Variants in ABCC2 observed in about 807,000 individuals in gnomAD.
The protein encoded by ABCC2 is ATP binding cassette subfamily C member 2.
Under a neutral mutation model 173.4 loss-of-function variants are expected in ABCC2, and 157 were observed. The ratio of observed to expected loss-of-function variants is 0.91; its 90% CI spans 0.80 to 1.03. The LOEUF (loss-of-function observed/expected upper bound fraction) is 1.03. ABCC2 is among the 50% of genes least tolerant of loss of function. The pLI, the probability that ABCC2 is intolerant of heterozygous loss-of-function variation, is 0.00. For synonymous variants in ABCC2, 657 were observed against 693.5 expected, an observed-to-expected ratio of 0.95 and a Z score of 0.83; for missense variants, 1,822 against 1,852.3, an observed-to-expected ratio of 0.98 and a Z score of 0.30.
At chr10:99,837,137 CTTTT>C (rs34959207) in intron 25 of ABCC2, among the ~76,000 whole-genome samples, 1 of 104,690 alleles carries the variant, frequency 9.6e-6, no homozygotes, top group African/African-American at 3.9e-5. Context: ...TGAGAAAGTC[CTTTT>C]TTTTTTTTTT....
rs185246872 is a variant in ABCC2 at position 99,821,718 on chromosome 10, A to G, written c.2620+2449A>G. Among the ~76,000 whole-genome samples, 62 of 152,344 alleles carry G rather than the reference A, an allele frequency of 4.1e-4. No homozygotes were observed. In the East Asian group the frequency reaches 0.011, roughly 26 times the overall value. On this transcript the variant is annotated intron_variant, in intron 19 of 31. Coordinates refer to ENST00000647814, the MANE Select transcript of ABCC2 (RefSeq NM_000392.5). ...AAGGCAGAAGAATTTTTCTTAGTACATAACAAAATGGAGTCTCCCATGTCT... is the reference window on the plus strand; with the variant it reads ...AAGGCAGAAGAATTTTTCTTAGTACGTAACAAAATGGAGTCTCCCATGTCT...
At chr10:99,783,003 G>C (rs2037641359) in intron 1 of ABCC2, 126 bp downstream of exon 1, 1 of 894,316 alleles carries the variant, frequency 1.1e-6, no homozygotes, top group African/African-American at 1.6e-5. Flanking sequence ...TAAAGCTCAG[G>C]CTTTTTAGAA....
intron 2 of ABCC2, among the ~76,000 whole-genome samples, chr10:99,790,336 CT>C (rs1425074205): frequency 1.3e-5 from 2 of 151,838 alleles, no homozygotes. Flanking sequence ...GTTTAAAAGC[CT>C]TTTGTGTTTT....
chr10:99,831,904 T>G, intron 22 of ABCC2, 73 bp from the exon 23 acceptor site: 1 of 1,613,186 alleles, frequency 6.2e-7, no homozygotes, highest in Non-Finnish European at 8.5e-7. Flanking sequence ...GGAATGCATT[T>G]GCCATTATGT....
At position 99,800,557 on chromosome 10, in the gene ABCC2, T is replaced by C; in HGVS notation, c.1203T>C (p.Tyr401=). Residue 401 remains tyrosine, a synonymous_variant, in exon 9 of 32, where the codon TAT becomes TAC. Coordinates refer to ENST00000647814, the MANE Select transcript of ABCC2 (RefSeq NM_000392.5). The part of the protein sequence containing the change: ...KVRTAIMASV[Y]KKALTLSNLA... Reference sequence around the variant, plus strand: ...GGACAGCTATCATGGCTTCTGTATATAAGAAGGTAAGCAGAATACGGCAGG... The same window carrying C: ...GGACAGCTATCATGGCTTCTGTATACAAGAAGGTAAGCAGAATACGGCAGG... 6.2e-7 allele frequency: 1 copy of C among 1,614,058 alleles called. No individual in the cohort carries two copies. The highest frequency in any genetic ancestry group is 8.5e-7 in the Non-Finnish European group (1 of 1,180,002).
intron 16 of ABCC2, among the ~76,000 whole-genome samples, chr10:99,814,191 A>G (rs1447148602): frequency 1.1e-5 from 1 of 91,142 alleles, no homozygotes; most frequent in African/African-American, 3.9e-5. Flanking sequence ...ATGTATACAC[A>G]CATGTGTATA....
intron 16 of ABCC2, among the ~76,000 whole-genome samples, chr10:99,814,622 T>C (rs865953814): frequency 0.011 from 255 of 22,482 alleles, 12 homozygotes; most frequent in Admixed American, 0.084. Flanking sequence ...TATACACATA[T>C]ACACACATAT....
chr10:99,792,479 T>G, intron 3 of ABCC2, 120 bp downstream of exon 3: 89 of 1,431,368 alleles, frequency 6.2e-5, no homozygotes, highest in Non-Finnish European at 7.4e-5. Context: ...GCGGGATCCA[T>G]AGTGAGGCAA....
chr10:99,806,898 C>G (rs1590156604), intron 11 of ABCC2, among the ~76,000 whole-genome samples: 1 of 152,234 alleles, frequency 6.6e-6, no homozygotes, highest in Admixed American at 6.5e-5. Flanking sequence ...AGAGCTCTGA[C>G]ATGTCCTTCT....
At chr10:99,816,957 C>T (rs556212680) in intron 16 of ABCC2, among the ~76,000 whole-genome samples, 2 of 152,330 alleles carry the variant, frequency 1.3e-5, no homozygotes, top group South Asian at 4.1e-4. Flanking sequence ...CTGATCTATA[C>T]CATTCCCTTG....
rs199521898 is a variant in ABCC2, at chr10:99,830,673, C to G, written c.2748-43C>G. 3.1e-6 allele frequency: 5 copies of G among 1,613,720 alleles called. No homozygotes were observed. In the African/African-American group the frequency reaches 5.3e-5, roughly 17 times the overall value. On this transcript the variant is annotated intron_variant, in intron 20 of 31. Transcript: ENST00000647814. Reference sequence around the variant, plus strand: ...TGTGACATCTGCTTGCAAGAAGACCCTTGGGAATTGCCTGCATGCTCAGGG... The same window carrying G: ...TGTGACATCTGCTTGCAAGAAGACCGTTGGGAATTGCCTGCATGCTCAGGG...
intron 19 of ABCC2, among the ~76,000 whole-genome samples, chr10:99,820,046 A>G (rs953041851): frequency 2.0e-5 from 3 of 152,226 alleles, no homozygotes; most frequent in African/African-American, 7.2e-5. Flanking sequence ...TACACAGCCT[A>G]CAAGTGACAG....
chr10:99,849,097 G>T (rs2039055331), intron 30 of ABCC2, among the ~76,000 whole-genome samples: 3 of 152,168 alleles, frequency 2.0e-5, no homozygotes, highest in Admixed American at 2.0e-4. Flanking sequence ...GGTGGCACAG[G>T]CCTGTAATCC....
chr10:99,801,293 G>A (rs2038012215), intron 9 of ABCC2, among the ~76,000 whole-genome samples: 1 of 152,154 alleles, frequency 6.6e-6, no homozygotes, highest in Admixed American at 6.5e-5. Context: ...CTGGAGTGCA[G>A]TGGTGCAATC....
intron 30 of ABCC2, among the ~76,000 whole-genome samples, 160 bp from the exon 31 acceptor site, chr10:99,850,442 C>A (rs1013876273): frequency 1.3e-4 from 20 of 152,212 alleles, no homozygotes; most frequent in Non-Finnish European, 2.5e-4. Context: ...ACGATGCTCA[C>A]AGCAGCAAGG....
chr10:99,821,540 T>G (rs1044011843), intron 19 of ABCC2, among the ~76,000 whole-genome samples: 3 of 152,074 alleles, frequency 2.0e-5, no homozygotes, highest in Non-Finnish European at 4.4e-5. Flanking sequence ...GTACTTGAGA[T>G]TAGGGAGTGG....
At chr10:99,786,027 C>A (rs1392794951) in intron 2 of ABCC2, among the ~76,000 whole-genome samples, 1 of 152,182 alleles carries the variant, frequency 6.6e-6, no homozygotes, top group Non-Finnish European at 1.5e-5. Context: ...AGTCTCAGAG[C>A]TTGGGACAGT....
chr10:99,841,677 G>A (rs928130715), intron 25 of ABCC2, among the ~76,000 whole-genome samples: 18 of 152,218 alleles, frequency 1.2e-4, no homozygotes, highest in Non-Finnish European at 2.4e-4. Flanking sequence ...TATATTAACA[G>A]TTGCCCTAGG....
At chr10:99,819,030 T>C in intron 18 of ABCC2, 59 bp from the exon 19 acceptor site, 1 of 1,612,016 alleles carries the variant, frequency 6.2e-7, no homozygotes, top group Non-Finnish European at 8.5e-7. Context: ...GTCTGGCAAG[T>C]AAGACAGGGA....
Sources: gnomAD v4.1 joint callset for allele counts (sites outside exome capture counted in the v4.1 genomes callset) on GRCh38, gnomAD v4.1.1 for gene constraint, MANE v1.5 for transcripts, NCBI Gene and HGNC (gene_info 2026-07-23, HGNC 2026-07-21) for gene names.